RB1: variants seen among roughly 807,000 people sequenced by gnomAD.
RB1 encodes retinoblastoma-associated protein.
Under a neutral mutation model 135.4 loss-of-function variants are expected in RB1, and 18 were observed. The observed-to-expected ratio is 0.13, with a 90% CI of 0.09 to 0.20. The LOEUF (loss-of-function observed/expected upper bound fraction) is 0.20, where lower values mean the gene tolerates loss of function less well. Among genes scored for constraint, RB1 ranks in the 10% least tolerant of loss-of-function variants. RB1 has a pLI of 1.00. For synonymous variants in RB1, 365 were observed against 373.2 expected (o/e 0.98, Z 0.25); for missense variants, 868 against 1,110.0 (o/e 0.78, Z 3.10).
chr13:48,448,697 C>T (rs770360368), intron 17 of RB1, among the ~76,000 whole-genome samples: 21 of 152,314 alleles, frequency 1.4e-4, no homozygotes, highest in Middle Eastern at 3.4e-3. Flanking sequence ...GCATCTTTAA[C>T]ACATTCATAC....
chr13:48,308,381 T>G (rs537088267), intron 2 of RB1, among the ~76,000 whole-genome samples: 1 of 145,400 alleles, frequency 6.9e-6, no homozygotes, highest in Admixed American at 7.0e-5. Flanking sequence ...AGGCTGGGCG[T>G]GGTGGCTCAA....
intron 26 of RB1, among the ~76,000 whole-genome samples, chr13:48,478,635 C>A (rs1455720500): frequency 1.3e-5 from 2 of 152,178 alleles, no homozygotes. Flanking sequence ...CTTCCTCTGC[C>A]AGGCCAAAGT....
intron 17 of RB1, among the ~76,000 whole-genome samples, chr13:48,415,267 C>A (rs985068278): frequency 4.6e-5 from 7 of 151,420 alleles, no homozygotes; most frequent in African/African-American, 1.7e-4. Context: ...ATAGTTTTTT[C>A]TTTTCTTTTC....
chr13:48,376,793 A>G (rs573102137), intron 12 of RB1, 125 bp from the exon 13 acceptor site: 1 of 1,414,616 alleles, frequency 7.1e-7, no homozygotes, highest in Admixed American at 1.8e-5. Flanking sequence ...GTGGTTACCT[A>G]GTTATTATGG....
Position 48,314,527 on chromosome 13 carries a change from C to T in RB1, c.264+7121C>T, listed in dbSNP as rs909885879. On this transcript the variant is annotated intron_variant, in intron 2 of 26. Coordinates refer to ENST00000267163, the MANE Select transcript of RB1 (RefSeq NM_000321.3). ...AAGAGCAGCTAAAATCAGTTGGGCACGGAGGCTCACGCCTGTAATCTTAGC... is the reference window on the plus strand; with the variant it reads ...AAGAGCAGCTAAAATCAGTTGGGCATGGAGGCTCACGCCTGTAATCTTAGC... 2.0e-5 allele frequency among the ~76,000 whole-genome samples: 3 copies of T among 152,056 alleles called. No individual in the cohort carries two copies. In the East Asian group the frequency reaches 5.8e-4, roughly 29 times the overall value.
chr13:48,320,358 C>T lies in RB1; in HGVS notation c.264+12952C>T, dbSNP rs1017348310. ...GCACCCGGGCGCTCACCGACACGCT[C>T]TCCACCCCCTCGTCAGCCTCCGAGA... On this transcript the variant is annotated intron_variant, in intron 2 of 26. Transcript: ENST00000267163. 1.9e-5 allele frequency: 24 copies of T among 1,240,372 alleles called. 1 individual carries two copies. In the East Asian group the frequency reaches 3.8e-4, roughly 19 times the overall value. The allele number at this position is 1,240,372 out of a possible 1,614,324, so 76.8% of individuals were successfully genotyped here. A position where few individuals can be genotyped will look rare whatever the true frequency, so the allele number is the denominator to read the frequency against.
At chr13:48,418,328 T>C (rs562829670) in intron 17 of RB1, among the ~76,000 whole-genome samples, 2 of 152,190 alleles carry the variant, frequency 1.3e-5, no homozygotes, top group Non-Finnish European at 2.9e-5. Flanking sequence ...GATAAGCAAA[T>C]GTTGAGAGAT....
chr13:48,409,123 T>C (rs1473758780), intron 17 of RB1, among the ~76,000 whole-genome samples: 2 of 151,436 alleles, frequency 1.3e-5, no homozygotes, highest in African/African-American at 4.8e-5. Flanking sequence ...GTATCTTCAC[T>C]AGTTTTTTGG....
intron 17 of RB1, among the ~76,000 whole-genome samples, chr13:48,430,857 A>T (rs564126436): frequency 1.8e-4 from 27 of 152,298 alleles, no homozygotes; most frequent in Admixed American, 9.8e-4. Flanking sequence ...GGAGCCCAGG[A>T]GTTTGGGGCT....
chr13:48,309,659 A>G lies in RB1; in HGVS notation c.264+2253A>G, dbSNP rs17351882. Among the ~76,000 whole-genome samples the G allele has an allele frequency of 5.5e-3, 839 of 152,274 alleles. 4 individuals carry two copies. Among genetic ancestry groups the G allele is most frequent in the Middle Eastern group, 0.01 (3 of 294 alleles). ...TTAGTGTTCAGAAATTTTGGAAGGGATAGCTGATTATAAAGAGCATTAGTG... is the reference window on the plus strand; with the variant it reads ...TTAGTGTTCAGAAATTTTGGAAGGGGTAGCTGATTATAAAGAGCATTAGTG... On this transcript the variant is annotated intron_variant, in intron 2 of 26. Coordinates refer to ENST00000267163, the MANE Select transcript of RB1 (RefSeq NM_000321.3).
intron 17 of RB1, among the ~76,000 whole-genome samples, chr13:48,435,610 T>C (rs1949175485): frequency 6.6e-6 from 1 of 152,316 alleles, no homozygotes; most frequent in East Asian, 1.9e-4. Flanking sequence ...TTATGGATTA[T>C]GCTTTTGGTG....
At chr13:48,382,871 A>G (rs899698714) in intron 17 of RB1, among the ~76,000 whole-genome samples, 2 of 151,926 alleles carry the variant, frequency 1.3e-5, no homozygotes, top group South Asian at 2.1e-4. Context: ...TAATTTTTGT[A>G]CAAGGTGTAA....
chr13:48,449,562 A>G lies in RB1; in HGVS notation c.1696-3431A>G, dbSNP rs73495023. Reference sequence around the variant, plus strand: ...CAAGCTTTCAAAATTTTGTATCTCCAGCCTGGACAACATAGGGAGACCCTG... The same window carrying G: ...CAAGCTTTCAAAATTTTGTATCTCCGGCCTGGACAACATAGGGAGACCCTG... On this transcript the variant is annotated intron_variant, in intron 17 of 26. Transcript: ENST00000267163. Among the ~76,000 whole-genome samples the G allele has an allele frequency of 2.3e-3, 355 of 152,188 alleles. 2 individuals carry two copies. Among genetic ancestry groups the G allele is most frequent in the African/African-American group, 8.2e-3 (342 of 41,528 alleles).
chr13:48,379,416 G>A (rs1948511861), intron 13 of RB1, among the ~76,000 whole-genome samples, 178 bp from the exon 14 acceptor site: 1 of 151,902 alleles, frequency 6.6e-6, no homozygotes, highest in African/African-American at 2.4e-5. Context: ...TGGGTATAGT[G>A]GTACATGCCT....
chr13:48,475,854 T>G (rs1053307821), intron 24 of RB1, among the ~76,000 whole-genome samples: 1 of 152,184 alleles, frequency 6.6e-6, no homozygotes, highest in African/African-American at 2.4e-5. Flanking sequence ...GCTGTCAGAC[T>G]TTACAAAGGA....
At chr13:48,316,783 A>G in intron 2 of RB1, 1 of 178,066 alleles carries the variant, frequency 5.6e-6, no homozygotes, top group Non-Finnish European at 1.1e-5. Context: ...ACACACACAC[A>G]CGGATACACG....
At chr13:48,306,590 A>G (rs1264397247) in intron 1 of RB1, among the ~76,000 whole-genome samples, 3 of 152,212 alleles carry the variant, frequency 2.0e-5, no homozygotes, top group African/African-American at 7.2e-5. Flanking sequence ...GTAAATGTCT[A>G]CTTTTACAGA....
chr13:48,331,981 T>A (rs535157250), intron 2 of RB1, among the ~76,000 whole-genome samples: 1 of 152,202 alleles, frequency 6.6e-6, no homozygotes, highest in African/African-American at 2.4e-5. Flanking sequence ...CAAACCCAGT[T>A]GAAAAATCGC....
intron 19 of RB1, among the ~76,000 whole-genome samples, chr13:48,459,304 C>A (rs1949380851): frequency 6.6e-6 from 1 of 152,060 alleles, no homozygotes; most frequent in Non-Finnish European, 1.5e-5. Context: ...ACCTGTTCCC[C>A]CAAACACCTA....
Sources: gnomAD v4.1 joint callset for allele counts (sites outside exome capture counted in the v4.1 genomes callset) on GRCh38, gnomAD v4.1.1 for gene constraint, MANE v1.5 for transcripts, NCBI Gene and HGNC (gene_info 2026-07-23, HGNC 2026-07-21) for gene names.